Variants in HADH observed in about 807,000 individuals in gnomAD.
HADH encodes hydroxyacyl-CoA dehydrogenase.
In HADH, 24 loss-of-function variants were observed where a neutral mutation model predicts 32.2. That is an observed-to-expected ratio of 0.75 (90% CI 0.54 to 1.05). The LOEUF (loss-of-function observed/expected upper bound fraction) is 1.05. Among genes scored for constraint, HADH ranks in the 50% least tolerant of loss-of-function variants. The pLI is 0.00. For missense variants in HADH, 350 were observed against 397.1 expected (o/e 0.88, Z 1.01); for synonymous variants, 139 against 152.5 (o/e 0.91, Z 0.65).
chr4:108,009,394 C>G (rs1735401280), intron 1 of HADH, among the ~76,000 whole-genome samples: 2 of 152,086 alleles, frequency 1.3e-5, no homozygotes, highest in African/African-American at 4.8e-5. Flanking sequence ...AGCTAGTGGC[C>G]CCTGAATGGA....
At chr4:108,019,421 A>C in intron 3 of HADH, 119 bp from the exon 4 acceptor site, 1 of 861,878 alleles carries the variant, frequency 1.2e-6, no homozygotes. Context: ...TCATTCCCCC[A>C]ATGGGTCAGG....
intron 3 of HADH, among the ~76,000 whole-genome samples, 162 bp downstream of exon 3, chr4:108,014,750 C>G (rs4956148): frequency 0.017 from 2,525 of 152,062 alleles, 200 homozygotes; most frequent in Admixed American, 0.14. Flanking sequence ...ACCCATCACC[C>G]ACATAGTGAA....
At chr4:108,000,452 T>C (rs1189573682) in intron 1 of HADH, among the ~76,000 whole-genome samples, 4 of 152,340 alleles carry the variant, frequency 2.6e-5, no homozygotes, top group Non-Finnish European at 5.9e-5. Context: ...TGACATGAAA[T>C]AGTCTATAAC....
At chr4:108,022,318 CAT>C (rs1735921378) in intron 4 of HADH, among the ~76,000 whole-genome samples, 1 of 151,920 alleles carries the variant, frequency 6.6e-6, no homozygotes, top group Non-Finnish European at 1.5e-5. Flanking sequence ...TACCATTACA[CAT>C]GAGTTCTCTA....
intron 1 of HADH, among the ~76,000 whole-genome samples, chr4:108,003,102 A>G (rs1735169246): frequency 9.1e-6 from 1 of 110,392 alleles, no homozygotes; most frequent in African/African-American, 3.0e-5. Flanking sequence ...TCAGTGTCTT[A>G]GTCTTTTTTT....
intron 1 of HADH, among the ~76,000 whole-genome samples, chr4:108,002,478 A>T (rs1008053431): frequency 1.3e-5 from 2 of 152,136 alleles, no homozygotes; most frequent in African/African-American, 4.8e-5. Context: ...GCTCCCACTA[A>T]TTCTGTATTG....
At chr4:108,000,874 A>T (rs1735101184) in intron 1 of HADH, among the ~76,000 whole-genome samples, 1 of 152,184 alleles carries the variant, frequency 6.6e-6, no homozygotes, top group African/African-American at 2.4e-5. Context: ...AGCATTTGTT[A>T]TTTAGCAGTT....
chr4:108,031,334 A>G (rs904695435), intron 6 of HADH: 1 of 152,252 alleles, frequency 6.6e-6, no homozygotes, highest in Non-Finnish European at 1.5e-5. Context: ...GAAGTGAGAG[A>G]CTGAGCTCCG....
At position 108,034,791 on chromosome 4, in the gene HADH, G is replaced by A. The variant is rs1419469632; in HGVS notation, c.*434G>A. 6.6e-6 allele frequency: 2 copies of A among 303,462 alleles called. No homozygotes were observed. The highest frequency in any genetic ancestry group is 8.3e-5 in the East Asian group (1 of 12,098). The allele number at this position is 303,462 out of a possible 1,614,324, so 18.8% of individuals were successfully genotyped here. A position where few individuals can be genotyped will look rare whatever the true frequency, so the allele number is the denominator to read the frequency against. ...GGTATAGTCTGTGAAGCACTGCAGC[G>A]AGCAGCACCTGGATCTTGCCTTTAT... is the stretch of plus-strand genomic sequence containing the variant. On this transcript the variant is annotated 3_prime_UTR_variant, in exon 8 of 8. Transcript: ENST00000309522.
intron 1 of HADH, among the ~76,000 whole-genome samples, chr4:107,993,461 G>T (rs1734871666): frequency 6.6e-6 from 1 of 152,118 alleles, no homozygotes; most frequent in East Asian, 1.9e-4. Context: ...TAATTTTCTT[G>T]AACTTTCTGA....
At chr4:108,030,704 A>G (rs1022275961) in intron 6 of HADH, 11 of 152,208 alleles carry the variant, frequency 7.2e-5, no homozygotes, top group African/African-American at 2.4e-4. Context: ...CCTAAAGTTG[A>G]CGCAGAATTT....
chr4:108,014,647 A>C, intron 3 of HADH, 59 bp downstream of exon 3: 1 of 1,459,612 alleles, frequency 6.9e-7, no homozygotes, highest in African/African-American at 1.5e-5. Context: ...TTTGTTTTTC[A>C]TTTTTATTTT....
At chr4:108,009,675 C>G (rs1735414110) in intron 1 of HADH, 84 bp from the exon 2 acceptor site, 1 of 1,112,030 alleles carries the variant, frequency 9.0e-7, no homozygotes, top group Non-Finnish European at 1.4e-6. Flanking sequence ...ATATGAAATG[C>G]CACTGTTTTT....
At chr4:108,015,713 G>T (rs1735668571) in intron 3 of HADH, among the ~76,000 whole-genome samples, 1 of 152,176 alleles carries the variant, frequency 6.6e-6, no homozygotes, top group Admixed American at 6.5e-5. Flanking sequence ...TGGTAACATG[G>T]AGGGGTCCAT....
At chr4:108,016,491 A>G (rs1402993518) in intron 3 of HADH, among the ~76,000 whole-genome samples, 1 of 152,224 alleles carries the variant, frequency 6.6e-6, no homozygotes, top group Non-Finnish European at 1.5e-5. Flanking sequence ...CAAAAACAGA[A>G]TATACTTGTG....
intron 1 of HADH, among the ~76,000 whole-genome samples, chr4:107,990,976 A>T (rs557364291): frequency 2.6e-5 from 4 of 152,242 alleles, no homozygotes; most frequent in Admixed American, 2.6e-4. Context: ...TCCTGACCAA[A>T]GGTGATCCGC....
intron 1 of HADH, among the ~76,000 whole-genome samples, chr4:107,995,553 G>C (rs1395739899): frequency 7.2e-6 from 1 of 138,976 alleles, no homozygotes; most frequent in African/African-American, 3.0e-5. Context: ...GAAAGATAGT[G>C]TACCATTTAC....
intron 2 of HADH, 143 bp downstream of exon 2, chr4:108,010,030 T>TTTTTC: frequency 3.0e-6 from 2 of 663,632 alleles, no homozygotes. Flanking sequence ...TTCCATAACT[T>TTTTTC]TAAACCAATA....
chr4:108,031,462 A>G (rs1459524578), intron 6 of HADH: 2 of 152,204 alleles, frequency 1.3e-5, no homozygotes, highest in Non-Finnish European at 2.9e-5. Context: ...GGGGCTTCCT[A>G]ATGAAATCCT....
Sources: allele counts gnomAD v4.1 joint callset (sites outside exome capture counted in the v4.1 genomes callset), GRCh38; gene constraint gnomAD v4.1.1; transcripts MANE v1.5; gene names NCBI Gene and HGNC (gene_info 2026-07-23, HGNC 2026-07-21).